The following IMMP2L variants were observed in gnomAD, a reference collection of about 807,000 sequenced individuals.
The protein encoded by IMMP2L is mitochondrial inner membrane protease subunit 2.
Under a neutral mutation model 19.3 loss-of-function variants are expected in IMMP2L, and 18 were observed. The observed-to-expected ratio is 0.93, with a 90% CI of 0.64 to 1.38. The LOEUF is 1.38. Ranked by LOEUF, IMMP2L falls within the 40% of genes most tolerant of loss-of-function variation. The pLI is 0.00. For missense variants in IMMP2L, 233 were observed against 218.2 expected, an observed-to-expected ratio of 1.07 and a Z score of -0.43; for synonymous variants, 76 against 73.0, an observed-to-expected ratio of 1.04 and a Z score of -0.21.
chr7:110,962,774 T>C, intron 4 of IMMP2L: 1 of 1,136,920 alleles, frequency 8.8e-7, no homozygotes, highest in South Asian at 3.9e-5. Flanking sequence ...TACAAATACT[T>C]TAGGATCAAG....
chr7:111,123,155 T>C lies in IMMP2L; in HGVS notation c.240-159590A>G, dbSNP rs1158829726. The C allele has an allele frequency of 6.2e-7, 1 of 1,613,854 alleles. No individual in the cohort carries two copies. Among genetic ancestry groups the C allele is most frequent in the Non-Finnish European group, 8.5e-7 (1 of 1,179,972 alleles). On this transcript the variant is annotated intron_variant, in intron 3 of 5. Transcript: ENST00000405709. This position sits in a 1 kb window ranked among gnomAD's most constrained non-coding sequence, Gnocchi z 6.4. Reference sequence around the variant, plus strand: ...TCTGTGTACCTAGAGGAAAACAAACTTACTGAACTGCCTGAAAAATGTCTG... The same window carrying C: ...TCTGTGTACCTAGAGGAAAACAAACCTACTGAACTGCCTGAAAAATGTCTG...
chr7:110,797,204 AT>A (rs1282393539), intron 5 of IMMP2L, among the ~76,000 whole-genome samples: 5 of 151,986 alleles, frequency 3.3e-5, no homozygotes, highest in African/African-American at 1.2e-4. Flanking sequence ...TAAAAAAAAA[AT>A]GCTATGAAAT....
intron 5 of IMMP2L, among the ~76,000 whole-genome samples, chr7:110,845,966 C>G (rs1805614560): frequency 1.3e-5 from 2 of 152,130 alleles, no homozygotes; most frequent in African/African-American, 4.8e-5. Context: ...AATCTGCCAG[C>G]ACACTCATCT....
chr7:111,161,134 G>A (rs987672837), intron 3 of IMMP2L, among the ~76,000 whole-genome samples: 1 of 151,690 alleles, frequency 6.6e-6, no homozygotes, highest in East Asian at 1.9e-4. Context: ...ATTTTTAAAT[G>A]CAAGTTTTAT....
At chr7:111,075,710 C>T (rs1308490519) in intron 3 of IMMP2L, among the ~76,000 whole-genome samples, 2 of 152,078 alleles carry the variant, frequency 1.3e-5, no homozygotes, top group African/African-American at 4.8e-5. Context: ...ACTCTCAGGA[C>T]TTCTTGTCTC....
intron 3 of IMMP2L, among the ~76,000 whole-genome samples, chr7:111,148,887 T>C (rs1803774713): frequency 1.3e-5 from 2 of 152,048 alleles, no homozygotes; most frequent in Admixed American, 1.3e-4. Flanking sequence ...AATAACTCAC[T>C]GAATGTTCAA....
At chr7:111,280,835 C>T (rs960018896) in intron 3 of IMMP2L, among the ~76,000 whole-genome samples, 1 of 151,818 alleles carries the variant, frequency 6.6e-6, no homozygotes, top group African/African-American at 2.4e-5. Context: ...TTTGGGAGGC[C>T]GAGGCAGGCA....
chr7:110,688,938 A>T (rs1793307682), intron 5 of IMMP2L, among the ~76,000 whole-genome samples: 2 of 149,460 alleles, frequency 1.3e-5, no homozygotes, highest in Admixed American at 6.6e-5. Flanking sequence ...AAAGATGTAC[A>T]TAAACATTTC....
chr7:110,947,225 G>A lies in IMMP2L; in HGVS notation c.305+16275C>T, dbSNP rs10487298. Among the ~76,000 whole-genome samples, 155 of 152,070 alleles carry A rather than the reference G, an allele frequency of 1.0e-3. 1 individual carries two copies. The East Asian group carries it at 0.019, about 19-fold the overall frequency. On this transcript the variant is annotated intron_variant, in intron 4 of 5. Transcript: ENST00000405709. ...TGGCTTACTCTACAGTGAAATTTTCGTACATCGCTGGGGAACTTTCATTAT... is the reference window on the plus strand; with the variant it reads ...TGGCTTACTCTACAGTGAAATTTTCATACATCGCTGGGGAACTTTCATTAT...
intron 5 of IMMP2L, among the ~76,000 whole-genome samples, chr7:110,819,774 T>C (rs781317532): frequency 6.6e-6 from 1 of 152,062 alleles, no homozygotes; most frequent in African/African-American, 2.4e-5. Context: ...AAGGAAGAAG[T>C]TGAAATTCCT....
In IMMP2L at chr7:111,539,132, A is replaced by AGGAAGG. The variant is rs1563329904; in HGVS notation, c.-2-17684_-2-17683insCCTTCC. On this transcript the variant is annotated intron_variant, in intron 1 of 5. Coordinates refer to ENST00000405709, the MANE Select transcript of IMMP2L (RefSeq NM_032549.4). ...GACTCCATCTCACAAAAAGAAAAGA[A>AGGAAGG]AAGGAAGGAAGGAAGGAAGGAAGGA... is the stretch of plus-strand genomic sequence containing the variant. Among the ~76,000 whole-genome samples the AGGAAGG allele has an allele frequency of 1.3e-4, 8 of 61,584 alleles. 1 individual carries two copies. Among genetic ancestry groups the AGGAAGG allele is most frequent in the African/African-American group, 5.2e-4 (8 of 15,382 alleles). 40.4% of individuals were successfully genotyped at this position (61,584 alleles called of 152,430 possible).
At chr7:111,476,635 C>T (rs754802175) in intron 3 of IMMP2L, among the ~76,000 whole-genome samples, 27 of 152,102 alleles carry the variant, frequency 1.8e-4, no homozygotes, top group Non-Finnish European at 3.5e-4. Flanking sequence ...TATTTCCAGG[C>T]TCATTAAGTT....
chr7:110,664,175 T>G (rs555537358), intron 5 of IMMP2L, among the ~76,000 whole-genome samples: 1 of 152,092 alleles, frequency 6.6e-6, no homozygotes, highest in Non-Finnish European at 1.5e-5. Context: ...TTCTCAGAGT[T>G]TCCCGCAGAG....
intron 3 of IMMP2L, among the ~76,000 whole-genome samples, chr7:111,085,959 C>T (rs772109024): frequency 2.0e-5 from 3 of 152,006 alleles, no homozygotes; most frequent in Non-Finnish European, 4.4e-5. Flanking sequence ...GCCACTGGTG[C>T]CTCCTGGAGG....
At chr7:111,230,304 A>G (rs1336222176) in intron 3 of IMMP2L, among the ~76,000 whole-genome samples, 2 of 152,030 alleles carry the variant, frequency 1.3e-5, no homozygotes, top group Non-Finnish European at 2.9e-5. Flanking sequence ...TCTTCACTTC[A>G]CAAGTATTTA....
rs1826422714 is a variant in IMMP2L at position 111,022,818 on chromosome 7, C to T, written c.240-59253G>A. On this transcript the variant is annotated intron_variant, in intron 3 of 5. Coordinates refer to ENST00000405709, the MANE Select transcript of IMMP2L (RefSeq NM_032549.4). ...CACTGCATAACAGACGTTACATGGC[C>T]TTAAAAAAATCCTAGAACTCTGATC... Among the ~76,000 whole-genome samples, 4 of 152,088 alleles carry T rather than the reference C, an allele frequency of 2.6e-5. No homozygotes were observed. In the South Asian group the frequency reaches 8.3e-4, roughly 32 times the overall value.
intron 4 of IMMP2L, among the ~76,000 whole-genome samples, chr7:110,900,895 C>T (rs529448280): frequency 2.0e-5 from 3 of 152,140 alleles, no homozygotes; most frequent in African/African-American, 4.8e-5. Flanking sequence ...CTGGCCATGG[C>T]TACACTTTTG....
chr7:111,044,448 C>T (rs984218576), intron 3 of IMMP2L, among the ~76,000 whole-genome samples: 4 of 152,240 alleles, frequency 2.6e-5, no homozygotes, highest in East Asian at 1.9e-4. Flanking sequence ...GTAATTCCAG[C>T]TACTTGGGAG....
intron 1 of IMMP2L, among the ~76,000 whole-genome samples, chr7:111,537,764 G>C (rs1848026409): frequency 1.3e-5 from 2 of 151,760 alleles, no homozygotes; most frequent in South Asian, 4.2e-4. Flanking sequence ...TCAAACTCCT[G>C]AGCTCAAGTG....
Sources: allele counts gnomAD v4.1 joint callset (sites outside exome capture counted in the v4.1 genomes callset), GRCh38; gene constraint gnomAD v4.1.1; non-coding constraint Gnocchi (gnomAD v3.1); transcripts MANE v1.5; gene names NCBI Gene and HGNC (gene_info 2026-07-23, HGNC 2026-07-21).